CACNB2: variants seen among roughly 807,000 people sequenced by gnomAD.
CACNB2 encodes voltage-dependent L-type calcium channel subunit beta-2.
In CACNB2, 42 loss-of-function variants were observed where a neutral mutation model predicts 73.3. The observed-to-expected ratio is 0.57, with a 90% CI of 0.45 to 0.74. CACNB2 has a LOEUF of 0.74. Among genes scored for constraint, CACNB2 ranks in the 30% least tolerant of loss-of-function variants. The pLI is 0.00. For synonymous variants in CACNB2, 348 were observed against 310.3 expected (o/e 1.12, Z -1.28); for missense variants, 940 against 853.0 (o/e 1.10, Z -1.27).
intron 2 of CACNB2, among the ~76,000 whole-genome samples, chr10:18,374,263 G>A (rs1030661744): frequency 2.6e-5 from 4 of 152,168 alleles, no homozygotes; most frequent in Non-Finnish European, 5.9e-5. Context: ...GAAAGTCAGT[G>A]GATGAAGAGA....
intron 2 of CACNB2, among the ~76,000 whole-genome samples, chr10:18,344,635 G>T (rs772647378): frequency 2.0e-5 from 3 of 152,106 alleles, no homozygotes; most frequent in Non-Finnish European, 1.5e-5. Context: ...GCCTCCCAAA[G>T]TGCTGGAATT....
intron 2 of CACNB2, among the ~76,000 whole-genome samples, chr10:18,385,045 C>G (rs1483563785): frequency 6.6e-6 from 1 of 151,758 alleles, no homozygotes; most frequent in Non-Finnish European, 1.5e-5. Flanking sequence ...TTTGGGAGGC[C>G]GAGGTGGGTG....
Position 18,178,632 on chromosome 10 carries a change from T to C in CACNB2, c.213+27657T>C, listed in dbSNP as rs577456442. ...ATTTGCTTGTTTCATTTAGCATGGG[T>C]GATAGAAACATCTTTGGGTAAAAGC... On this transcript the variant is annotated intron_variant, in intron 2 of 13. Coordinates refer to ENST00000324631, the MANE Select transcript of CACNB2 (RefSeq NM_201596.3). 2.0e-5 allele frequency among the ~76,000 whole-genome samples: 3 copies of C among 152,334 alleles called. No individual in the cohort carries two copies. In the South Asian group the frequency reaches 6.2e-4, roughly 32 times the overall value.
intron 2 of CACNB2, among the ~76,000 whole-genome samples, chr10:18,258,234 G>A (rs1430870506): frequency 6.6e-6 from 1 of 152,130 alleles, no homozygotes; most frequent in Non-Finnish European, 1.5e-5. Context: ...CTAATGAATG[G>A]GGGAATCTCT....
intron 2 of CACNB2, among the ~76,000 whole-genome samples, chr10:18,322,896 G>A (rs1158843360): frequency 1.3e-5 from 2 of 148,284 alleles, no homozygotes; most frequent in Non-Finnish European, 3.0e-5. Flanking sequence ...TTTTGGAAAT[G>A]AGATGCCTAT....
At chr10:18,290,943 C>G (rs1167186013) in intron 2 of CACNB2, among the ~76,000 whole-genome samples, 2 of 152,260 alleles carry the variant, frequency 1.3e-5, no homozygotes, top group Non-Finnish European at 2.9e-5. Flanking sequence ...CATTTCCAGC[C>G]TTGCTCTTCC....
chr10:18,176,147 A>G (rs545704702), intron 2 of CACNB2, among the ~76,000 whole-genome samples: 1 of 152,284 alleles, frequency 6.6e-6, no homozygotes, highest in African/African-American at 2.4e-5. Context: ...ATGACCACAT[A>G]GTGCTCACCA....
At chr10:18,416,785 T>C (rs1316276383) in intron 3 of CACNB2, among the ~76,000 whole-genome samples, 2 of 152,134 alleles carry the variant, frequency 1.3e-5, no homozygotes, top group Non-Finnish European at 2.9e-5. Context: ...CTTCCCGTTG[T>C]ATTGTTTTGC....
intron 2 of CACNB2, among the ~76,000 whole-genome samples, chr10:18,329,405 G>T (rs942019519): frequency 6.6e-6 from 1 of 151,566 alleles, no homozygotes; most frequent in South Asian, 2.1e-4. Context: ...TTCTAAAGGA[G>T]CAGGAGATGA....
rs192498931 is a variant in CACNB2, at chr10:18,433,178, A to C, written c.333+31135A>C. On this transcript the variant is annotated intron_variant, in intron 3 of 13. Transcript: ENST00000324631. ...CTATTAAGTACAAGGCAGTATGCCAATGCCACATGCAGATAGATATAGCAA... is the reference window on the plus strand; with the variant it reads ...CTATTAAGTACAAGGCAGTATGCCACTGCCACATGCAGATAGATATAGCAA... Among the ~76,000 whole-genome samples, 1,176 of 152,230 alleles carry C rather than the reference A, an allele frequency of 7.7e-3. 24 individuals carry two copies. The highest frequency in any genetic ancestry group is 0.027 in the African/African-American group (1,114 of 41,550).
chr10:18,232,413 C>T (rs142974732), intron 2 of CACNB2, among the ~76,000 whole-genome samples: 214 of 152,206 alleles, frequency 1.4e-3, no homozygotes, highest in Admixed American at 5.2e-3. Flanking sequence ...CAGGTTTAAC[C>T]GTGAACCAGA....
chr10:18,299,835 T>C (rs2039436982), intron 2 of CACNB2, among the ~76,000 whole-genome samples: 2 of 152,178 alleles, frequency 1.3e-5, no homozygotes, highest in Admixed American at 1.3e-4. Flanking sequence ...TGATAAGAGA[T>C]GTCACGAGAA....
chr10:18,525,827 T>C (rs76199682), intron 9 of CACNB2, among the ~76,000 whole-genome samples: 21,847 of 152,180 alleles, frequency 0.14, 1,739 homozygotes, highest in Middle Eastern at 0.24. Flanking sequence ...CCTTTGGAAA[T>C]GTTACATTTC....
chr10:18,538,047 GTAGCAGCACTTAT>G (rs1009417028), intron 12 of CACNB2, 120 bp from the exon 13 acceptor site: 14 of 836,278 alleles, frequency 1.7e-5, no homozygotes, highest in South Asian at 6.8e-5. Context: ...AAGGGAGATA[GTAGCAGCACTTAT>G]AGAAGCAGGA....
intron 2 of CACNB2, among the ~76,000 whole-genome samples, chr10:18,171,548 A>G (rs567510431): frequency 6.9e-6 from 1 of 145,484 alleles, no homozygotes; most frequent in East Asian, 2.0e-4. Flanking sequence ...AAAAAAAAAA[A>G]AGGCTATTTG....
intron 2 of CACNB2, among the ~76,000 whole-genome samples, chr10:18,243,139 G>A (rs1023354689): frequency 4.6e-5 from 7 of 151,942 alleles, no homozygotes; most frequent in South Asian, 2.1e-4. Context: ...TAAAACAAAT[G>A]TATGAAACAT....
At chr10:18,457,781 G>A (rs1022065532) in intron 3 of CACNB2, among the ~76,000 whole-genome samples, 2 of 151,954 alleles carry the variant, frequency 1.3e-5, no homozygotes, top group African/African-American at 2.4e-5. Flanking sequence ...TCCCAGCTAC[G>A]TGGGAGGCTG....
At chr10:18,258,651 A>G (rs1357271746) in intron 2 of CACNB2, among the ~76,000 whole-genome samples, 3 of 152,108 alleles carry the variant, frequency 2.0e-5, no homozygotes, top group African/African-American at 4.8e-5. Flanking sequence ...ACTTGAACCC[A>G]GGAGGTGGAG....
intron 3 of CACNB2, among the ~76,000 whole-genome samples, chr10:18,433,106 T>C (rs550793752): frequency 3.7e-4 from 46 of 123,522 alleles, no homozygotes; most frequent in African/African-American, 1.4e-3. Context: ...AAAATAAATA[T>C]ATGTATATGC....
Sources: gnomAD v4.1 joint callset for allele counts (sites outside exome capture counted in the v4.1 genomes callset) on GRCh38, gnomAD v4.1.1 for gene constraint, MANE v1.5 for transcripts, NCBI Gene and HGNC (gene_info 2026-07-23, HGNC 2026-07-21) for gene names.